HMX1: variants seen among roughly 807,000 people sequenced by gnomAD.
HMX1 encodes H6 family homeobox 1.
In HMX1, 8 loss-of-function variants were observed where a neutral mutation model predicts 8.9. The observed-to-expected ratio is 0.90, with a 90% confidence interval of 0.53 to 1.63. The LOEUF (loss-of-function observed/expected upper bound fraction) is 1.63. Among genes scored for constraint, HMX1 ranks in the 40% most tolerant of loss-of-function variants. The pLI, the probability that HMX1 is intolerant of heterozygous loss-of-function variation, is 0.00. For synonymous variants in HMX1, 311 were observed against 283.4 expected (o/e 1.10, Z -0.98); for missense variants, 621 against 558.5 (o/e 1.11, Z -1.13).
intron 1 of HMX1, among the ~76,000 whole-genome samples, chr4:8,855,126 C>T (rs1191708749): frequency 6.6e-6 from 1 of 152,262 alleles, no homozygotes. Context: ...TCCCTCTCCC[C>T]CGTGGACTCC....
rs530178240 is a variant in HMX1, at chr4:8,857,912, C to T, written c.395-11588G>A. Among the ~76,000 whole-genome samples the T allele has an allele frequency of 2.6e-5, 4 of 152,230 alleles. No homozygotes were observed. The South Asian group carries it at 6.2e-4, about 24-fold the overall frequency. On this transcript the variant is annotated intron_variant, in intron 1 of 1. Coordinates refer to the HMX1 transcript ENST00000506970. The stretch of plus-strand genomic sequence containing the variant: ...CCCAGTTCCAGGAGCCGCGTCTCTA[C>T]GGGCCAGTGGGTCCTGAGAGAGTAG...
chr4:8,864,808 G>A (rs1376971413), downstream of HMX1, among the ~76,000 whole-genome samples: 3 of 152,196 alleles, frequency 2.0e-5, no homozygotes, highest in African/African-American at 7.2e-5. Context: ...GCTCTGGAAC[G>A]GTCCCCTCCT....
At chr4:8,856,330 C>G (rs879746047) in intron 1 of HMX1, among the ~76,000 whole-genome samples, 16 of 152,178 alleles carry the variant, frequency 1.1e-4, no homozygotes, top group Non-Finnish European at 2.1e-4. Context: ...GCAGAAAGAG[C>G]TGGCGGGGTT....
intron 1 of HMX1, among the ~76,000 whole-genome samples, chr4:8,860,036 A>T (rs892804203): frequency 1.3e-5 from 2 of 152,204 alleles, no homozygotes; most frequent in African/African-American, 4.8e-5. Flanking sequence ...GACGGGGCCA[A>T]CGGCGGTGCT....
intron 1 of HMX1, among the ~76,000 whole-genome samples, chr4:8,860,358 A>C (rs1198192545): frequency 2.0e-5 from 3 of 152,214 alleles, no homozygotes; most frequent in Non-Finnish European, 4.4e-5. Context: ...GGGAACACGG[A>C]AGGCTGTGTA....
downstream of HMX1, among the ~76,000 whole-genome samples, chr4:8,866,451 G>C (rs923538826): frequency 7.2e-5 from 11 of 152,252 alleles, no homozygotes; most frequent in Middle Eastern, 3.2e-3. Flanking sequence ...AAAGCAGCCA[G>C]CTTGGGGCTG....
chr4:8,851,988 G>C (rs1721461965), intron 1 of HMX1, among the ~76,000 whole-genome samples: 1 of 152,250 alleles, frequency 6.6e-6, no homozygotes, highest in Admixed American at 6.5e-5. Context: ...AAACCATAAA[G>C]GGCTCAAGCT....
downstream of HMX1, among the ~76,000 whole-genome samples, chr4:8,865,207 C>A (rs1023229278): frequency 1.3e-5 from 2 of 152,212 alleles, no homozygotes; most frequent in African/African-American, 4.8e-5. Context: ...TAAGAGGCAC[C>A]CTGCAGTCAC....
intron 1 of HMX1, among the ~76,000 whole-genome samples, chr4:8,860,329 G>C (rs930600134): frequency 2.0e-5 from 3 of 152,242 alleles, no homozygotes; most frequent in African/African-American, 7.2e-5. Flanking sequence ...GGTGCTCCGG[G>C]TCATGGTGGG....
At position 8,867,371 on chromosome 4, in the gene HMX1, C is replaced by T. The variant is rs1290258729; in HGVS notation, c.*322G>A. The T allele has an allele frequency of 4.8e-6, 5 of 1,036,670 alleles. No homozygotes were observed. The highest frequency in any genetic ancestry group is 4.5e-4 in the Middle Eastern group (1 of 2,246). The allele number at this position is 1,036,670 out of a possible 1,614,324, so 64.2% of individuals were successfully genotyped here. On this transcript the variant is annotated 3_prime_UTR_variant, in exon 2 of 2. Coordinates refer to ENST00000400677, the MANE Select transcript of HMX1 (RefSeq NM_018942.3). ...GGGCTTGGCCTGAGGGCAGCTGCCCCGGGTGGCCATGGCCGACCGCTCCTC... is the reference window on the plus strand; with the variant it reads ...GGGCTTGGCCTGAGGGCAGCTGCCCTGGGTGGCCATGGCCGACCGCTCCTC...
chr4:8,857,982 G>C (rs1206731992), intron 1 of HMX1, among the ~76,000 whole-genome samples: 1 of 152,104 alleles, frequency 6.6e-6, no homozygotes, highest in African/African-American at 2.4e-5. Flanking sequence ...GGGTGAAGCC[G>C]AGGGGTGGCT....
chr4:8,867,020 C>A, downstream of HMX1: 1 of 955,348 alleles, frequency 1.0e-6, no homozygotes, highest in Middle Eastern at 5.3e-4. Context: ...GCTGTCTCTG[C>A]CCTCGTGATC....
In HMX1 at chr4:8,867,401, A is replaced by T; in HGVS notation, c.*292T>A. 9.4e-7 allele frequency: 1 copy of T among 1,065,004 alleles called. No individual in the cohort carries two copies. The allele number at this position is 1,065,004 out of a possible 1,614,324, so 66.0% of individuals were successfully genotyped here. A position where few individuals can be genotyped will look rare whatever the true frequency, so the allele number is the denominator to read the frequency against. Reference sequence around the variant, plus strand: ...GGCCATGGCCGACCGCTCCTCGCTGAGGCCGGGGGGTGGCCGTGGCGCCGG... The same window carrying T: ...GGCCATGGCCGACCGCTCCTCGCTGTGGCCGGGGGGTGGCCGTGGCGCCGG... On this transcript the variant is annotated 3_prime_UTR_variant, in exon 2 of 2. Transcript: ENST00000400677.
Position 8,868,111 on chromosome 4 carries a change from A to T in HMX1, c.629T>A (p.Phe210Tyr). 6.6e-7 allele frequency: 1 copy of T among 1,512,544 alleles called. No individual in the cohort carries two copies. The highest frequency in any genetic ancestry group is 8.8e-7 in the Non-Finnish European group (1 of 1,132,932). The allele number at this position is 1,512,544 out of a possible 1,614,324, so 93.7% of individuals were successfully genotyped here. Reference sequence around the variant, plus strand: ...CAGCTGGAAGACCTGGCTGCGGGAGAAGACTGTGCGCGTCTTCTTCTTTCG... The same window carrying T: ...CAGCTGGAAGACCTGGCTGCGGGAGTAGACTGTGCGCGTCTTCTTCTTTCG... Reference protein sequence around the residue: ...GGRKKKTRTVFSRSQVFQLES... With the variant: ...GGRKKKTRTVYSRSQVFQLES... The change falls in exon 2 of 2, where the codon TTC becomes TAC. Residue 210 changes from phenylalanine to tyrosine, a missense_variant. By Grantham distance (22) the Phe-to-Tyr change is conservative. Transcript: ENST00000400677. The surrounding 1 kb of genome is among the most constrained non-coding windows in gnomAD (Gnocchi z 4.6).
In HMX1 at chr4:8,871,072, C is replaced by CG. The variant is rs202111656; in HGVS notation, c.394+148_394+149insC. The CG allele has an allele frequency of 0.54, 485,670 of 891,320 alleles. 138,185 individuals carry two copies. Among genetic ancestry groups the CG allele is most frequent in the Non-Finnish European group, 0.6 (402,154 of 675,630 alleles). The allele number at this position is 891,320 out of a possible 1,614,324, so 55.2% of individuals were successfully genotyped here. ...TCCAAACCAGCCCAACCAGGGGCTC[C>CG]TGGGGGCCCCACAAGGCCCAGACGC... On this transcript the variant is annotated intron_variant, in intron 1 of 1. Transcript: ENST00000400677. The surrounding 1 kb of genome is among the most constrained non-coding windows in gnomAD (Gnocchi z 4.8).
chr4:8,867,696 C>T lies in HMX1; in HGVS notation c.1044G>A (p.Val348=), dbSNP rs2109472454. 1.6e-6 allele frequency: 2 copies of T among 1,261,898 alleles called. No homozygotes were observed. The highest frequency in any genetic ancestry group is 1.5e-5 in the African/African-American group (1 of 64,650). 78.2% of individuals were successfully genotyped at this position (1,261,898 alleles called of 1,614,324 possible). A position where few individuals can be genotyped will look rare whatever the true frequency, so the allele number is the denominator to read the frequency against. Residue 348 remains valine, a synonymous_variant, in exon 2 of 2, where the codon GTG becomes GTA. Coordinates refer to ENST00000400677, the MANE Select transcript of HMX1 (RefSeq NM_018942.3). ...PFLRAQMPGL[V] ...GAGAGGGCCCGGCAGGCGGGGCTCA[C>T]ACCAGGCCAGGCATCTGCGCCCGCA...
In HMX1 at chr4:8,868,960, G is replaced by A. The variant is rs572496818; in HGVS notation, c.395-615C>T. On this transcript the variant is annotated intron_variant, in intron 1 of 1. Transcript: ENST00000400677. The surrounding 1 kb of genome is among the most constrained non-coding windows in gnomAD (Gnocchi z 4.6). ...AAACCAATGCAAAGGATCCCCAAAA[G>A]AGAACTCCCATCAGGTGAGGCTGTC... Among the ~76,000 whole-genome samples the A allele has an allele frequency of 6.6e-6, 1 of 152,032 alleles. No homozygotes were observed. Among genetic ancestry groups the A allele is most frequent in the African/African-American group, 2.4e-5 (1 of 41,402 alleles).
rs1487117352 is a variant in HMX1 at position 8,870,216 on chromosome 4, T to C, written c.394+1005A>G. ...TCAGCTGGCCTCAAGGTCCAAAGGC[T>C]GTGTTGGGGGTGGGGGGCTGGCTAA... On this transcript the variant is annotated intron_variant, in intron 1 of 1. Coordinates refer to ENST00000400677, the MANE Select transcript of HMX1 (RefSeq NM_018942.3). This position sits in a 1 kb window ranked among gnomAD's most constrained non-coding sequence, Gnocchi z 4.4. Among the ~76,000 whole-genome samples, 8 of 149,290 alleles carry C rather than the reference T, an allele frequency of 5.4e-5. No homozygotes were observed.
In HMX1 at chr4:8,867,827, G is replaced by A. The variant is rs901630227; in HGVS notation, c.913C>T (p.Pro305Ser). ...GGCGCGGGCGCGGCGGGCGCCAGCG[G>A]GAAGGGCAGGGTGGCCGGGGGCCCA... ...AAGPPATLPF[P>S]LAPAAPAPPP... The change falls in exon 2 of 2, where the codon CCG becomes TCG. Residue 305 changes from proline (P) to serine (S), a missense_variant. Pro to Ser is a moderately conservative substitution (Grantham distance 74, BLOSUM62 -1). Coordinates refer to ENST00000400677, the MANE Select transcript of HMX1 (RefSeq NM_018942.3). 4.1e-6 allele frequency: 5 copies of A among 1,227,150 alleles called. No individual in the cohort carries two copies. The highest frequency in any genetic ancestry group is 5.1e-6 in the Non-Finnish European group (5 of 987,058). 76.0% of individuals were successfully genotyped at this position (1,227,150 alleles called of 1,614,324 possible).
Sources: allele counts gnomAD v4.1 joint callset (sites outside exome capture counted in the v4.1 genomes callset), GRCh38; gene constraint gnomAD v4.1.1; non-coding constraint Gnocchi (gnomAD v3.1); transcripts MANE v1.5; gene names NCBI Gene and HGNC (gene_info 2026-07-23, HGNC 2026-07-21).